Variants in ENTREP1 observed in about 807,000 individuals in gnomAD.
ENTREP1 encodes the protein endosomal transmembrane epsin interactor 1, also known as Friedreich ataxia region gene X123.
At chr9:69,354,801 A>G in the ENTREP1 span, among the ~76,000 whole-genome samples, 3,348 of 152,308 alleles carry the variant, frequency 0.022, 49 homozygotes, top group Middle Eastern at 0.065. Context: ...TTGGCAGTCA[A>G]TGATGACACT....
chr9:69,377,736 G>A, the ENTREP1 span: 1 of 1,612,478 alleles, frequency 6.2e-7, no homozygotes, highest in Non-Finnish European at 8.5e-7. Flanking sequence ...CACCCCGGAT[G>A]AACCGCAGGT....
At chr9:69,372,490 C>T in the ENTREP1 span, among the ~76,000 whole-genome samples, 2 of 152,154 alleles carry the variant, frequency 1.3e-5, no homozygotes, top group Non-Finnish European at 2.9e-5. Flanking sequence ...CCTCAAGGTT[C>T]ATCATGTTGT....
the ENTREP1 span, among the ~76,000 whole-genome samples, chr9:69,358,551 A>G: frequency 7.5e-4 from 114 of 152,088 alleles, no homozygotes; most frequent in Non-Finnish European, 2.2e-4. Flanking sequence ...TATGAGGGGG[A>G]AAAAAAGGGC....
the ENTREP1 span, among the ~76,000 whole-genome samples, chr9:69,327,949 A>T: frequency 2.0e-5 from 3 of 152,184 alleles, no homozygotes; most frequent in Non-Finnish European, 4.4e-5. Flanking sequence ...ATTTAAGAGG[A>T]TGGCTTTAGG....
At chr9:69,355,781 G>T in the ENTREP1 span, among the ~76,000 whole-genome samples, 1 of 152,212 alleles carries the variant, frequency 6.6e-6, no homozygotes, top group African/African-American at 2.4e-5. Context: ...TGACTGGCAA[G>T]TGATACTGGC....
the ENTREP1 span, among the ~76,000 whole-genome samples, chr9:69,374,539 G>A: frequency 6.6e-6 from 1 of 152,288 alleles, no homozygotes; most frequent in East Asian, 1.9e-4. Flanking sequence ...CCAGCAAAGA[G>A]AGTTTCTCTC....
At chr9:69,347,175 G>A in the ENTREP1 span, among the ~76,000 whole-genome samples, 3 of 152,184 alleles carry the variant, frequency 2.0e-5, no homozygotes, top group African/African-American at 7.2e-5. Context: ...CTCACATCCT[G>A]CCCAGAGAGG....
chr9:69,329,550 A>C, the ENTREP1 span: 7 of 985,136 alleles, frequency 7.1e-6, no homozygotes, highest in Non-Finnish European at 8.4e-6. Context: ...TTGAAGGGAG[A>C]GTTTTTAACG....
chr9:69,375,354 TTGGGGAAAAAAAAG>T, the ENTREP1 span, among the ~76,000 whole-genome samples: 1 of 152,280 alleles, frequency 6.6e-6, no homozygotes, highest in South Asian at 2.1e-4. Flanking sequence ...GTGCATTGTG[TTGGGGAAAAAAAAG>T]TGAGTTTGGT....
the ENTREP1 span, chr9:69,336,325 C>G: frequency 6.5e-6 from 7 of 1,075,940 alleles, no homozygotes; most frequent in South Asian, 9.8e-5. Context: ...TGTATGAAGT[C>G]TGTTCATATA....
At chr9:69,326,604 A>G in the ENTREP1 span, among the ~76,000 whole-genome samples, 2 of 152,146 alleles carry the variant, frequency 1.3e-5, no homozygotes, top group Non-Finnish European at 2.9e-5. Context: ...CAATCTCACA[A>G]TTTCCAAGGC....
chr9:69,374,151 ATGT>A, the ENTREP1 span, among the ~76,000 whole-genome samples: 1 of 152,090 alleles, frequency 6.6e-6, no homozygotes, highest in Admixed American at 6.6e-5. Context: ...GCCCAGTGTA[ATGT>A]TGTTGAAATT....
chr9:69,340,807 GTGTGTA>G, the ENTREP1 span, among the ~76,000 whole-genome samples: 671 of 67,980 alleles, frequency 9.9e-3, 18 homozygotes, highest in African/African-American at 0.033. Flanking sequence ...GTGCATGTGT[GTGTGTA>G]TGTGTGTGTG....
At chr9:69,356,752 C>G in the ENTREP1 span, among the ~76,000 whole-genome samples, 2 of 152,266 alleles carry the variant, frequency 1.3e-5, no homozygotes, top group South Asian at 4.1e-4. Context: ...GGTTCCTGAC[C>G]AGTTCACCTT....
At chr9:69,324,985 G>A in the ENTREP1 span, 2 of 985,354 alleles carry the variant, frequency 2.0e-6, no homozygotes, top group South Asian at 4.7e-5. Flanking sequence ...CCAGGAAGCC[G>A]GCGCAGGTTC....
At chr9:69,386,437 CCTCT>C in the ENTREP1 span, 1 of 59,046 alleles carries the variant, frequency 1.7e-5, no homozygotes. Context: ...ACACAATTCA[CCTCT>C]CTCTCTGTGT....
chr9:69,369,859 G>T, the ENTREP1 span, among the ~76,000 whole-genome samples: 18 of 152,266 alleles, frequency 1.2e-4, no homozygotes, highest in African/African-American at 4.1e-4. Context: ...TGTATGAAAT[G>T]TCTATTTAAG....
At chr9:69,345,182 G>A in the ENTREP1 span, among the ~76,000 whole-genome samples, 3 of 152,116 alleles carry the variant, frequency 2.0e-5, no homozygotes, top group Admixed American at 6.6e-5. Context: ...GCTGGGTCGG[G>A]GTGTCAGGGC....
chr9:69,390,417 C>T, the ENTREP1 span, among the ~76,000 whole-genome samples: 1 of 152,318 alleles, frequency 6.6e-6, no homozygotes, highest in South Asian at 2.1e-4. Context: ...GGACAGTTCT[C>T]TCCTCTTCAA....
Sources: gnomAD v4.1 joint callset for allele counts (sites outside exome capture counted in the v4.1 genomes callset) on GRCh38, gnomAD v4.1.1 for gene constraint, MANE v1.5 for transcripts, NCBI Gene and HGNC (gene_info 2026-07-23, HGNC 2026-07-21) for gene names.